Variants in EPB41L3 observed in about 807,000 individuals in gnomAD.
EPB41L3 encodes the protein erythrocyte membrane protein band 4.1 like 3.
In EPB41L3, 57 loss-of-function variants were observed where a neutral mutation model predicts 127.1. That is an observed-to-expected ratio of 0.45 (90% CI 0.36 to 0.56). The LOEUF is 0.56. Among genes scored for constraint, EPB41L3 ranks in the 20% least tolerant of loss-of-function variants. EPB41L3 has a pLI of 0.00. For synonymous variants in EPB41L3, 572 were observed against 549.5 expected, an observed-to-expected ratio of 1.04 and a Z score of -0.57; for missense variants, 1,273 against 1,372.2, an observed-to-expected ratio of 0.93 and a Z score of 1.14.
chr18:5,436,745 G>T (rs1024252985), intron 6 of EPB41L3, among the ~76,000 whole-genome samples: 9 of 152,002 alleles, frequency 5.9e-5, no homozygotes, highest in Admixed American at 6.6e-5. Flanking sequence ...GTATATGTGG[G>T]CTCTAAAACC....
In EPB41L3 at chr18:5,468,830, C is replaced by T. The variant is rs182669859; in HGVS notation, c.381+9411G>A. Among the ~76,000 whole-genome samples, 19 of 152,208 alleles carry T rather than the reference C, an allele frequency of 1.2e-4. No individual in the cohort carries two copies. The East Asian group carries it at 2.3e-3, about 19-fold the overall frequency. ...ACTTGGGAAGCTGAGGCAGGAGAAT[C>T]GCTTGAACCTGGGAGGTGGAGATTT... is the stretch of plus-strand genomic sequence containing the variant. On this transcript the variant is annotated intron_variant, in intron 3 of 22. Transcript: ENST00000341928.
At chr18:5,464,038 T>C (rs1435199379) in intron 3 of EPB41L3, among the ~76,000 whole-genome samples, 2 of 152,086 alleles carry the variant, frequency 1.3e-5, no homozygotes, top group Non-Finnish European at 2.9e-5. Flanking sequence ...CCCAGGGCTT[T>C]CCACTCCAGC....
chr18:5,615,669 G>A (rs1322183053), intron 1 of EPB41L3, among the ~76,000 whole-genome samples: 1 of 152,152 alleles, frequency 6.6e-6, no homozygotes, highest in Non-Finnish European at 1.5e-5. Context: ...GCACATAGTA[G>A]GCCCTCAGTA....
At chr18:5,456,027 T>C (rs537401208) in intron 3 of EPB41L3, among the ~76,000 whole-genome samples, 2 of 152,240 alleles carry the variant, frequency 1.3e-5, no homozygotes, top group Admixed American at 1.3e-4. Flanking sequence ...ACTTCTTTTG[T>C]AAGAATTCTC....
chr18:5,465,664 A>C (rs2084828106), intron 3 of EPB41L3, among the ~76,000 whole-genome samples: 1 of 151,990 alleles, frequency 6.6e-6, no homozygotes, highest in African/African-American at 2.4e-5. Context: ...CATAACATTC[A>C]CTCTCTCTAT....
chr18:5,610,686 C>A (rs2094715359), intron 3 of EPB41L3, among the ~76,000 whole-genome samples: 2 of 138,128 alleles, frequency 1.4e-5, no homozygotes, highest in African/African-American at 4.9e-5. Flanking sequence ...TAAAACAATT[C>A]TAATTACACA....
intron 3 of EPB41L3, among the ~76,000 whole-genome samples, chr18:5,592,119 A>T (rs1453013876): frequency 6.6e-6 from 1 of 152,194 alleles, no homozygotes; most frequent in Non-Finnish European, 1.5e-5. Context: ...ATGCTACAAA[A>T]ACTTGCAATT....
chr18:5,431,169 C>T (rs2078961369), intron 8 of EPB41L3: 1 of 151,964 alleles, frequency 6.6e-6, no homozygotes, highest in South Asian at 2.1e-4. Context: ...GACAGATGTA[C>T]AAAGAAAAAA....
At chr18:5,629,418 C>CACACACACACAG (rs1410084081), upstream of EPB41L3, among the ~76,000 whole-genome samples, 14 of 115,724 alleles carry the variant, frequency 1.2e-4, no homozygotes, top group African/African-American at 5.7e-4. Flanking sequence ...TTACACACCA[C>CACACACACACAG]ACACACACAC....
At chr18:5,552,085 T>C (rs1005972852) in intron 3 of EPB41L3, among the ~76,000 whole-genome samples, 2 of 152,252 alleles carry the variant, frequency 1.3e-5, no homozygotes, top group African/African-American at 4.8e-5. Context: ...TTTATATCTT[T>C]AAAAAATTAC....
chr18:5,593,534 G>A (rs938664284), intron 3 of EPB41L3, among the ~76,000 whole-genome samples: 5 of 152,122 alleles, frequency 3.3e-5, no homozygotes, highest in African/African-American at 1.2e-4. Flanking sequence ...CGAGATCACA[G>A]GACCATGGGA....
At chr18:5,573,246 T>C (rs996091726) in intron 3 of EPB41L3, among the ~76,000 whole-genome samples, 4 of 152,192 alleles carry the variant, frequency 2.6e-5, no homozygotes, top group African/African-American at 9.7e-5. Flanking sequence ...GCATCACCAC[T>C]TGGCCCACAC....
intron 1 of EPB41L3, among the ~76,000 whole-genome samples, chr18:5,506,104 C>T (rs79972874): frequency 3.6e-3 from 550 of 152,178 alleles, no homozygotes; most frequent in African/African-American, 0.011. Context: ...TTCTCCTCGC[C>T]TACCACCTCA....
chr18:5,561,262 C>T (rs1236503868), intron 3 of EPB41L3, among the ~76,000 whole-genome samples: 5 of 152,092 alleles, frequency 3.3e-5, no homozygotes, highest in Non-Finnish European at 7.3e-5. Flanking sequence ...TAGGCGTGAG[C>T]CACCGCGCCT....
chr18:5,509,474 A>C (rs1011177533), intron 1 of EPB41L3, among the ~76,000 whole-genome samples: 4 of 152,230 alleles, frequency 2.6e-5, no homozygotes, highest in African/African-American at 9.6e-5. Flanking sequence ...AAAAACATTA[A>C]TCTTCCTATT....
In EPB41L3 at chr18:5,619,568, G is replaced by C. The variant is rs76505311; in HGVS notation, c.-467-5145C>G. Among the ~76,000 whole-genome samples the C allele has an allele frequency of 3.4e-3, 524 of 152,262 alleles. 2 individuals are homozygous for C. Among genetic ancestry groups the C allele is most frequent in the African/African-American group, 0.012 (496 of 41,540 alleles). On this transcript the variant is annotated intron_variant, in intron 1 of 21. Transcript: ENST00000545076. ...GCATTATATAAGCAGGTCAGAGTCA[G>C]GCAGGAATGTGCCACTTGCGATATT...
chr18:5,470,927 C>G (rs936277683), intron 3 of EPB41L3, among the ~76,000 whole-genome samples: 1 of 152,166 alleles, frequency 6.6e-6, no homozygotes, highest in Non-Finnish European at 1.5e-5. Flanking sequence ...TGGAAAGACT[C>G]TTTTCCTGAG....
chr18:5,481,637 C>A (rs2088545254), intron 2 of EPB41L3, among the ~76,000 whole-genome samples: 1 of 152,178 alleles, frequency 6.6e-6, no homozygotes, highest in African/African-American at 2.4e-5. Flanking sequence ...GGACCACCAC[C>A]CCAGTCCTGG....
intron 3 of EPB41L3, among the ~76,000 whole-genome samples, chr18:5,558,380 C>T (rs1362169342): frequency 6.6e-6 from 1 of 152,106 alleles, no homozygotes; most frequent in Non-Finnish European, 1.5e-5. Flanking sequence ...GCAAATGTAT[C>T]CCAATTCCCA....
Sources: gnomAD v4.1 joint callset for allele counts (sites outside exome capture counted in the v4.1 genomes callset) on GRCh38, gnomAD v4.1.1 for gene constraint, MANE v1.5 for transcripts, NCBI Gene and HGNC (gene_info 2026-07-23, HGNC 2026-07-21) for gene names.